SP4: variants seen among roughly 807,000 people sequenced by gnomAD.
The protein encoded by SP4 is Sp4 transcription factor, also known as transcription factor Sp4.
In SP4, 19 loss-of-function variants were observed where a neutral mutation model predicts 72.8. That is an observed-to-expected ratio of 0.26 (90% CI 0.18 to 0.38). The LOEUF (loss-of-function observed/expected upper bound fraction) is 0.38. Among genes scored for constraint, SP4 ranks in the 10% least tolerant of loss-of-function variants. The pLI is 1.00. For missense variants in SP4, 1,008 were observed against 926.3 expected, an observed-to-expected ratio of 1.09 and a Z score of -1.14; for synonymous variants, 395 against 333.1, an observed-to-expected ratio of 1.19 and a Z score of -2.02.
intron 3 of SP4, among the ~76,000 whole-genome samples, chr7:21,466,244 A>G (rs1784164191): frequency 6.6e-6 from 1 of 152,212 alleles, no homozygotes; most frequent in African/African-American, 2.4e-5. Context: ...GGTACTCAGT[A>G]GAAGTTTGCT....
chr7:21,485,017 C>T (rs6461568), intron 5 of SP4, among the ~76,000 whole-genome samples: 110,172 of 151,678 alleles, frequency 0.73, 40,973 homozygotes, highest in East Asian at 0.9. Flanking sequence ...AAATATATCA[C>T]ACATAAAATT....
intron 3 of SP4, among the ~76,000 whole-genome samples, chr7:21,436,539 G>C (rs1479489734): frequency 6.6e-6 from 1 of 152,190 alleles, no homozygotes; most frequent in Non-Finnish European, 1.5e-5. Context: ...AGAAATATGG[G>C]TCGAAGATTC....
Position 21,514,535 on chromosome 7 carries a change from A to AAAG in SP4, c.*3268_*3269insGAA, listed in dbSNP as rs1782220522. The stretch of plus-strand genomic sequence containing the variant: ...TTCACTTGTAAATTTTTTTTGTAAA[A>AAAG]AAAAAAAAATGAAAAAAAAAGATGA... On this transcript the variant is annotated 3_prime_UTR_variant, in exon 6 of 6. Coordinates refer to ENST00000222584, the MANE Select transcript of SP4 (RefSeq NM_003112.5). The AAAG allele has an allele frequency of 6.6e-6, 1 of 151,716 alleles. No individual in the cohort carries two copies. The highest frequency in any genetic ancestry group is 2.1e-4 in the South Asian group (1 of 4,810). 9.4% of individuals were successfully genotyped at this position (151,716 alleles called of 1,614,324 possible).
In SP4 at chr7:21,429,680, A is replaced by T. The variant is rs1217518230; in HGVS notation, c.515A>T (p.Gln172Leu). 6.2e-7 allele frequency: 1 copy of T among 1,614,216 alleles called. No homozygotes were observed. Among genetic ancestry groups the T allele is most frequent in the Non-Finnish European group, 8.5e-7 (1 of 1,180,032 alleles). Residue 172 changes from glutamine (Q) to leucine (L), a missense_variant, in exon 3 of 6, where the codon CAG (glutamine) becomes CTG (leucine). Coordinates refer to ENST00000222584, the MANE Select transcript of SP4 (RefSeq NM_003112.5). ...SVQYQVIPQL[Q>L]TVEGQQIQIN... is the part of the protein sequence containing the mutation. ...CAGTACCAAGTAATTCCACAACTTC[A>T]GACAGTGGAAGGTCAACAAATTCAA...
chr7:21,444,478 T>C (rs1783359482), intron 3 of SP4, among the ~76,000 whole-genome samples: 2 of 152,208 alleles, frequency 1.3e-5, no homozygotes. Flanking sequence ...CTGAGGCCTA[T>C]AGAGGTTAAA....
At chr7:21,509,264 C>G (rs1782084716) in intron 5 of SP4, among the ~76,000 whole-genome samples, 1 of 152,088 alleles carries the variant, frequency 6.6e-6, no homozygotes, top group African/African-American at 2.4e-5. Context: ...GCCAAGAGCT[C>G]TTATCAAAAT....
intron 5 of SP4, among the ~76,000 whole-genome samples, chr7:21,505,102 A>G (rs1336121138): frequency 6.6e-6 from 1 of 152,220 alleles, no homozygotes; most frequent in Non-Finnish European, 1.5e-5. Flanking sequence ...TCTTTTAGTA[A>G]CTTGATATAT....
At chr7:21,492,610 G>A (rs1785009094) in intron 5 of SP4, among the ~76,000 whole-genome samples, 1 of 152,126 alleles carries the variant, frequency 6.6e-6, no homozygotes, top group Admixed American at 6.5e-5. Context: ...AGGGAAAATA[G>A]AAGCATGAAA....
chr7:21,433,569 A>G (rs369200928), intron 3 of SP4, among the ~76,000 whole-genome samples: 4 of 152,242 alleles, frequency 2.6e-5, no homozygotes, highest in African/African-American at 7.2e-5. Flanking sequence ...AATTAGGAGT[A>G]ATGCCTTGGA....
In SP4 at chr7:21,507,931, C is replaced by G. The variant is rs151051703; in HGVS notation, c.2108-3091C>G. Among the ~76,000 whole-genome samples the G allele has an allele frequency of 2.4e-3, 359 of 152,220 alleles. 1 individual carries two copies. The highest frequency in any genetic ancestry group is 8.2e-3 in the African/African-American group (340 of 41,540). ...TTGGGACTCTGCACTTGCTTCATAT[C>G]TAGGGTACATCTCAGTCACACACAC... On this transcript the variant is annotated intron_variant, in intron 5 of 5. Transcript: ENST00000222584.
intron 3 of SP4, among the ~76,000 whole-genome samples, chr7:21,472,795 G>A (rs921628247): frequency 2.0e-5 from 3 of 151,178 alleles, no homozygotes; most frequent in Admixed American, 6.6e-5. Context: ...AAAAAAAAAA[G>A]CAACCAAACA....
intron 3 of SP4, among the ~76,000 whole-genome samples, chr7:21,451,945 G>C (rs1293709310): frequency 6.6e-6 from 1 of 152,272 alleles, no homozygotes; most frequent in Non-Finnish European, 1.5e-5. Context: ...TGGGTGCGTG[G>C]GGTTGCTAAC....
chr7:21,503,197 G>A (rs559290069), intron 5 of SP4, among the ~76,000 whole-genome samples: 19 of 152,190 alleles, frequency 1.2e-4, no homozygotes, highest in East Asian at 9.7e-4. Context: ...GTTAGAAGTC[G>A]TTTTAACCTA....
chr7:21,469,708 AT>A (rs1384495198), intron 3 of SP4, among the ~76,000 whole-genome samples: 3 of 151,658 alleles, frequency 2.0e-5, no homozygotes, highest in Non-Finnish European at 4.4e-5. Context: ...CACCCGGCTA[AT>A]TTTTTTGTAT....
intron 3 of SP4, among the ~76,000 whole-genome samples, chr7:21,436,515 T>C (rs944578212): frequency 1.3e-5 from 2 of 152,186 alleles, no homozygotes; most frequent in African/African-American, 4.8e-5. Context: ...GTTTTTACTG[T>C]TTGAAGTGAA....
intron 1 of SP4, 152 bp downstream of exon 1, chr7:21,428,410 G>C (rs1048620413): frequency 2.9e-6 from 2 of 682,584 alleles, no homozygotes; most frequent in East Asian, 5.4e-5. Flanking sequence ...AGGGAAGGAG[G>C]GTTGTGTTTT....
At position 21,430,858 on chromosome 7, in the gene SP4, C is replaced by T; in HGVS notation, c.1678+15C>T. 1 of 1,542,144 alleles carries T rather than the reference C, an allele frequency of 6.5e-7. No individual in the cohort carries two copies. Among genetic ancestry groups the T allele is most frequent in the South Asian group, 1.2e-5 (1 of 86,154 alleles). On this transcript the variant is annotated intron_variant, in intron 3 of 5. Coordinates refer to ENST00000222584, the MANE Select transcript of SP4 (RefSeq NM_003112.5). ...TAGTGTTGCAGGTAAGTTCTGACAT[C>T]TTTTTAAGTACCTTTTAAATAGTTT...
chr7:21,476,983 T>G, intron 3 of SP4, 96 bp from the exon 4 acceptor site: 2 of 849,682 alleles, frequency 2.4e-6, no homozygotes, highest in Non-Finnish European at 3.6e-6. Context: ...ACACAGATTG[T>G]TAGAAAAAAT....
At chr7:21,472,200 C>G (rs1713530978) in intron 3 of SP4, among the ~76,000 whole-genome samples, 1 of 152,108 alleles carries the variant, frequency 6.6e-6, no homozygotes, top group African/African-American at 2.4e-5. Context: ...TGAGGTCCCC[C>G]AAGAAGAGAG....
Sources: gnomAD v4.1 joint callset for allele counts (sites outside exome capture counted in the v4.1 genomes callset) on GRCh38, gnomAD v4.1.1 for gene constraint, MANE v1.5 for transcripts, NCBI Gene and HGNC (gene_info 2026-07-23, HGNC 2026-07-21) for gene names.